Variants in KIF2A observed in about 807,000 individuals in gnomAD.
KIF2A encodes kinesin family member 2A.
A neutral mutation model predicts 100.2 loss-of-function variants in KIF2A; 22 were observed. The ratio of observed to expected loss-of-function variants is 0.22; its 90% CI spans 0.16 to 0.31. The LOEUF is 0.31. Among genes scored for constraint, KIF2A ranks in the 10% least tolerant of loss-of-function variants. KIF2A has a pLI of 1.00. For missense variants in KIF2A, 495 were observed against 898.7 expected (o/e 0.55, Z 5.74); for synonymous variants, 268 against 285.9 (o/e 0.94, Z 0.63).
At chr5:62,336,478 T>C (rs1396258120) in intron 1 of KIF2A, among the ~76,000 whole-genome samples, 1 of 152,176 alleles carries the variant, frequency 6.6e-6, no homozygotes, top group Non-Finnish European at 1.5e-5. Context: ...ATCTCACCTT[T>C]AGAAATCATT....
At chr5:62,350,615 C>G (rs1006919331) in intron 4 of KIF2A, among the ~76,000 whole-genome samples, 4 of 151,912 alleles carry the variant, frequency 2.6e-5, no homozygotes, top group Admixed American at 1.3e-4. Context: ...GCCAGTAATA[C>G]TGAAAAATGA....
Position 62,315,249 on chromosome 5 carries a change from CAAAAAAAAAAAAA to C in KIF2A, c.64+8723_64+8735del, listed in dbSNP as rs765995590. ...TGTGGGGCTGTGGAAAAAAACAGAC[CAAAAAAAAAAAAA>C]AAAAAAAAAGCAACCCACCACAGCC... is the stretch of plus-strand genomic sequence containing the variant. On this transcript the variant is annotated intron_variant, in intron 1 of 20. Transcript: ENST00000407818. 4.5e-5 allele frequency among the ~76,000 whole-genome samples: 3 copies of C among 66,542 alleles called. No homozygotes were observed. In the East Asian group the frequency reaches 1.5e-3, roughly 34 times the overall value. 43.7% of individuals were successfully genotyped at this position (66,542 alleles called of 152,430 possible). A position where few individuals can be genotyped will look rare whatever the true frequency, so the allele number is the denominator to read the frequency against.
At chr5:62,337,434 G>A (rs1747023723) in intron 1 of KIF2A, among the ~76,000 whole-genome samples, 1 of 151,644 alleles carries the variant, frequency 6.6e-6, no homozygotes, top group South Asian at 2.1e-4. Flanking sequence ...AGAGGTTGCA[G>A]TGAGCCGAGA....
chr5:62,372,962 C>T (rs563888788), intron 17 of KIF2A, among the ~76,000 whole-genome samples: 23 of 151,746 alleles, frequency 1.5e-4, no homozygotes, highest in Non-Finnish European at 2.6e-4. Flanking sequence ...TTTGGCCGGG[C>T]GTGGTGGCTC....
intron 1 of KIF2A, among the ~76,000 whole-genome samples, chr5:62,331,390 A>C (rs187216507): frequency 2.6e-4 from 39 of 152,118 alleles, no homozygotes; most frequent in African/African-American, 9.4e-4. Context: ...CAGCTTGGGC[A>C]ACAAGAGCAA....
rs886241220 is a variant in KIF2A, at chr5:62,366,500, C to A, written c.1646+19C>A. On this transcript the variant is annotated intron_variant, in intron 16 of 20. Transcript: ENST00000407818. ...CAAATAGGTATGAGAGATAGTTCTCCATTTTGAAATTTGAGGGGAGTACAG... is the reference window on the plus strand; with the variant it reads ...CAAATAGGTATGAGAGATAGTTCTCAATTTTGAAATTTGAGGGGAGTACAG... 23 of 1,459,038 alleles carry A rather than the reference C, an allele frequency of 1.6e-5. No individual in the cohort carries two copies. Among genetic ancestry groups the A allele is most frequent in the Non-Finnish European group, 2.2e-5 (23 of 1,054,580 alleles). The allele number at this position is 1,459,038 out of a possible 1,614,324, so 90.4% of individuals were successfully genotyped here.
intron 20 of KIF2A, 55 bp from the exon 21 acceptor site, chr5:62,385,429 A>AACTCTT: frequency 7.9e-7 from 1 of 1,259,904 alleles, no homozygotes; most frequent in East Asian, 2.5e-5. Context: ...TAAAGTTGTA[A>AACTCTT]ACTCTTACTG....
At chr5:62,312,399 C>T (rs1003293856) in intron 1 of KIF2A, among the ~76,000 whole-genome samples, 7 of 152,186 alleles carry the variant, frequency 4.6e-5, no homozygotes, top group African/African-American at 1.4e-4. Context: ...ATCTAGACCC[C>T]GTTCTTTCTA....
At chr5:62,336,691 A>G (rs1746970470) in intron 1 of KIF2A, among the ~76,000 whole-genome samples, 1 of 152,246 alleles carries the variant, frequency 6.6e-6, no homozygotes, top group African/African-American at 2.4e-5. Flanking sequence ...AAAATAGAAT[A>G]AGGATGGTGA....
intron 11 of KIF2A, 74 bp downstream of exon 11, chr5:62,361,603 T>A: frequency 1.2e-6 from 1 of 827,724 alleles, no homozygotes; most frequent in Non-Finnish European, 2.0e-6. Flanking sequence ...AATAAGGCTT[T>A]AAAATATTGT....
At chr5:62,375,104 C>T (rs935759384) in intron 18 of KIF2A, among the ~76,000 whole-genome samples, 8 of 151,426 alleles carry the variant, frequency 5.3e-5, no homozygotes, top group Admixed American at 2.6e-4. Context: ...TTTTGATTTC[C>T]CAATTATAAA....
intron 19 of KIF2A, among the ~76,000 whole-genome samples, chr5:62,378,368 A>T (rs932547270): frequency 1.3e-5 from 2 of 152,170 alleles, no homozygotes; most frequent in Non-Finnish European, 2.9e-5. Context: ...GGGAGTGAAG[A>T]TATCATTTGG....
chr5:62,344,479 A>G (rs1012728024), intron 1 of KIF2A, among the ~76,000 whole-genome samples: 3 of 151,990 alleles, frequency 2.0e-5, no homozygotes, highest in African/African-American at 7.3e-5. Context: ...AATCTGACAC[A>G]TGAGATGATA....
In KIF2A at chr5:62,361,546, C is replaced by T. The variant is rs1417616005; in HGVS notation, c.1027+17C>T. On this transcript the variant is annotated intron_variant, in intron 11 of 20. Transcript: ENST00000407818. The stretch of plus-strand genomic sequence containing the variant: ...CATTAGCAGGTAACTGTCCTTTTTC[C>T]ATAAAATTTGGAATATTCTTCTGTG... The T allele has an allele frequency of 6.9e-7, 1 of 1,457,584 alleles. No homozygotes were observed. Among genetic ancestry groups the T allele is most frequent in the South Asian group, 1.2e-5 (1 of 84,722 alleles). The allele number at this position is 1,457,584 out of a possible 1,614,324, so 90.3% of individuals were successfully genotyped here.
chr5:62,364,160 T>G (rs1740946659), intron 14 of KIF2A, among the ~76,000 whole-genome samples: 1 of 152,050 alleles, frequency 6.6e-6, no homozygotes, highest in African/African-American at 2.4e-5. Context: ...GGTTTTTTTT[T>G]TTTTTGAGAC....
rs1054643896 is a variant in KIF2A at position 62,306,268 on chromosome 5, G to C, written c.-205G>C. ...TTCACCCCGACTACCCGGCGTGCGCGTCCTCCTGCCGGCCTGCAGGCCCGG... is the reference window on the plus strand; with the variant it reads ...TTCACCCCGACTACCCGGCGTGCGCCTCCTCCTGCCGGCCTGCAGGCCCGG... On this transcript the variant is annotated 5_prime_UTR_variant, in exon 1 of 21. Coordinates refer to ENST00000407818, the MANE Select transcript of KIF2A (RefSeq NM_001098511.3). 27 of 533,592 alleles carry C rather than the reference G, an allele frequency of 5.1e-5. No individual in the cohort carries two copies. The Admixed American group carries it at 6.1e-4, about 12-fold the overall frequency. 33.1% of individuals were successfully genotyped at this position (533,592 alleles called of 1,614,324 possible).
intron 1 of KIF2A, among the ~76,000 whole-genome samples, chr5:62,338,408 C>T (rs1466834452): frequency 6.6e-6 from 1 of 152,178 alleles, no homozygotes; most frequent in Non-Finnish European, 1.5e-5. Context: ...CCTGTCTCAG[C>T]CTCCCAAGTA....
chr5:62,365,441 C>A, intron 15 of KIF2A, 88 bp downstream of exon 15: 1 of 664,126 alleles, frequency 1.5e-6, no homozygotes, highest in South Asian at 2.2e-5. Flanking sequence ...TTGTTAGTGA[C>A]AATTATTTGA....
chr5:62,349,846 A>G (rs1336891082), intron 3 of KIF2A, among the ~76,000 whole-genome samples: 1 of 152,226 alleles, frequency 6.6e-6, no homozygotes, highest in Non-Finnish European at 1.5e-5. Flanking sequence ...TGCCTGGCTC[A>G]TATTAATTCC....
Sources: gnomAD v4.1 joint callset for allele counts (sites outside exome capture counted in the v4.1 genomes callset) on GRCh38, gnomAD v4.1.1 for gene constraint, MANE v1.5 for transcripts, NCBI Gene and HGNC (gene_info 2026-07-23, HGNC 2026-07-21) for gene names.